Variants in DNAH8 observed in about 807,000 individuals in gnomAD.
The protein encoded by DNAH8 is axonemal beta dynein heavy chain 8.
A neutral mutation model predicts 562.1 loss-of-function variants in DNAH8; 382 were observed. The observed-to-expected ratio is 0.68, with a 90% CI of 0.63 to 0.74. The LOEUF is 0.74. DNAH8 is among the 30% of genes least tolerant of loss of function. The pLI is 0.00. For synonymous variants in DNAH8, 1,881 were observed against 1,919.4 expected (o/e 0.98, Z 0.52); for missense variants, 5,203 against 5,620.4 (o/e 0.93, Z 2.37).
rs143487714 is a variant in DNAH8, at chr6:39,030,164, G to A, written c.13896G>A (p.Gly4632=). The change falls in exon 93 of 93, where the codon GGG becomes GGA. Residue 4632 remains glycine (G), a synonymous_variant. Coordinates refer to ENST00000327475, the MANE Select transcript of DNAH8 (RefSeq NM_001206927.2). ...GAGCAGCCTGGGACAGACGGAATGG[G>A]AAGCTCATGGAATCCACCCCCAAGG... ...MDGAAWDRRN[G]KLMESTPKVL... 4.3e-5 allele frequency: 69 copies of A among 1,614,080 alleles called. No homozygotes were observed. The East Asian group carries it at 1.2e-3, about 28-fold the overall frequency.
At chr6:38,735,760 C>G (rs925100505) in intron 5 of DNAH8, among the ~76,000 whole-genome samples, 1 of 152,196 alleles carries the variant, frequency 6.6e-6, no homozygotes, top group East Asian at 1.9e-4. Context: ...TCTCCAGAAG[C>G]AACTATTAAA....
chr6:38,870,450 C>G lies in DNAH8; in HGVS notation c.6878C>G (p.Pro2293Arg). 2 of 1,613,984 alleles carry G rather than the reference C, an allele frequency of 1.2e-6. No homozygotes were observed. The highest frequency in any genetic ancestry group is 4.5e-5 in the East Asian group (2 of 44,862). ...CTCAGCTTAATCAATGACCTGTTCC[C>G]AGGACTGCAACTGGATAGTAATACT... ...LFLSLINDLF[P>R]GLQLDSNTYA... Residue 2293 changes from proline to arginine, a missense_variant, in exon 49 of 93, where the codon CCA becomes CGA. Pro to Arg is a moderately radical substitution (Grantham distance 103, BLOSUM62 -2). Transcript: ENST00000327475.
At chr6:38,895,959 G>T in intron 59 of DNAH8, 74 bp from the exon 60 acceptor site, 1 of 1,280,848 alleles carries the variant, frequency 7.8e-7, no homozygotes, top group South Asian at 1.4e-5. Context: ...GGGCTGAGAA[G>T]AGGCGAAGGG....
chr6:39,004,057 C>T (rs908413655), intron 88 of DNAH8, among the ~76,000 whole-genome samples: 2 of 151,894 alleles, frequency 1.3e-5, no homozygotes, highest in Non-Finnish European at 2.9e-5. Context: ...GAAATTTTAA[C>T]GTCAGTTCTT....
intron 82 of DNAH8, among the ~76,000 whole-genome samples, chr6:38,956,808 A>G (rs1583452513): frequency 6.6e-6 from 1 of 152,252 alleles, no homozygotes; most frequent in Admixed American, 6.5e-5. Flanking sequence ...GAATCAAAAC[A>G]TACTACTAGA....
rs1425720711 is a variant in DNAH8 at position 38,848,816 on chromosome 6, T to C, written c.5199+15T>C. ...AGCTGCCTCAGGTAAATATGGCTTTTGTAATTACTGATAAAATAATTTGGT... is the reference window on the plus strand; with the variant it reads ...AGCTGCCTCAGGTAAATATGGCTTTCGTAATTACTGATAAAATAATTTGGT... On this transcript the variant is annotated intron_variant, in intron 37 of 92. Transcript: ENST00000327475. The C allele has an allele frequency of 6.2e-7, 1 of 1,610,576 alleles. No individual in the cohort carries two copies. Among genetic ancestry groups the C allele is most frequent in the Admixed American group, 1.7e-5 (1 of 59,790 alleles).
chr6:38,784,533 C>CTT (rs1768955275), intron 17 of DNAH8, among the ~76,000 whole-genome samples: 1 of 152,180 alleles, frequency 6.6e-6, no homozygotes, highest in African/African-American at 2.4e-5. Flanking sequence ...TCTCAGGACA[C>CTT]TTACTGCTTT....
intron 26 of DNAH8, among the ~76,000 whole-genome samples, chr6:38,818,098 G>T (rs1289059158): frequency 6.6e-6 from 1 of 152,070 alleles, no homozygotes; most frequent in Non-Finnish European, 1.5e-5. Flanking sequence ...TGAGATTATG[G>T]TGTTTGGGAT....
At chr6:38,848,523 A>C (rs934308171) in intron 36 of DNAH8, 125 bp from the exon 37 acceptor site, 30 of 707,986 alleles carry the variant, frequency 4.2e-5, no homozygotes, top group Non-Finnish European at 7.0e-5. Flanking sequence ...ATCTATTAGG[A>C]ACTGCCCTTT....
chr6:38,984,492 ACAC>A (rs1349601146), intron 87 of DNAH8, 185 bp downstream of exon 87: 9 of 558,664 alleles, frequency 1.6e-5, no homozygotes, highest in Admixed American at 9.2e-5. Context: ...ACACACACAC[ACAC>A]AACAACCAGC....
At chr6:38,973,882 G>A in intron 84 of DNAH8, 69 bp downstream of exon 84, 2 of 1,338,870 alleles carry the variant, frequency 1.5e-6, no homozygotes, top group South Asian at 1.4e-5. Flanking sequence ...ATTGTTGAAA[G>A]ATGGGAACAC....
At chr6:38,961,544 A>G (rs1762603474) in intron 82 of DNAH8, among the ~76,000 whole-genome samples, 1 of 152,040 alleles carries the variant, frequency 6.6e-6, no homozygotes, top group African/African-American at 2.4e-5. Flanking sequence ...AATATAAGAA[A>G]GATGCAGGAT....
chr6:38,718,524 A>G (rs1762509600), intron 1 of DNAH8, among the ~76,000 whole-genome samples: 1 of 152,226 alleles, frequency 6.6e-6, no homozygotes, highest in African/African-American at 2.4e-5. Context: ...GATTTCCTTA[A>G]GGAAAATCTC....
At chr6:38,743,870 A>G (rs1222893796) in intron 8 of DNAH8, among the ~76,000 whole-genome samples, 2 of 152,044 alleles carry the variant, frequency 1.3e-5, no homozygotes, top group Admixed American at 6.6e-5. Flanking sequence ...ATATATTGTC[A>G]TTTGTCTTGG....
intron 24 of DNAH8, among the ~76,000 whole-genome samples, chr6:38,813,129 G>T (rs1771945127): frequency 6.6e-6 from 1 of 152,116 alleles, no homozygotes; most frequent in Non-Finnish European, 1.5e-5. Context: ...CTAGTGCACT[G>T]TTCACTGCCT....
At chr6:38,806,054 T>C (rs919099121) in intron 23 of DNAH8, among the ~76,000 whole-genome samples, 2 of 152,172 alleles carry the variant, frequency 1.3e-5, no homozygotes, top group Admixed American at 6.5e-5. Flanking sequence ...AAGCCCTAGA[T>C]AGGCAGATTT....
chr6:38,757,898 A>T (rs1766082726), intron 10 of DNAH8, among the ~76,000 whole-genome samples: 1 of 152,178 alleles, frequency 6.6e-6, no homozygotes, highest in Non-Finnish European at 1.5e-5. Flanking sequence ...TTTTGGTGCC[A>T]GTACATGCTG....
chr6:38,875,969 T>C (rs915840187), intron 53 of DNAH8, 141 bp downstream of exon 53: 18 of 634,850 alleles, frequency 2.8e-5, no homozygotes, highest in Non-Finnish European at 4.0e-5. Context: ...AGAGCATGTA[T>C]TTGAAAGAGA....
chr6:38,724,131 C>T (rs950014399), intron 3 of DNAH8, among the ~76,000 whole-genome samples: 19 of 151,978 alleles, frequency 1.3e-4, no homozygotes, highest in African/African-American at 4.4e-4. Context: ...GCACGCACCA[C>T]CACGCCCAGC....
Sources: gnomAD v4.1 joint callset for allele counts (sites outside exome capture counted in the v4.1 genomes callset) on GRCh38, gnomAD v4.1.1 for gene constraint, MANE v1.5 for transcripts, NCBI Gene and HGNC (gene_info 2026-07-23, HGNC 2026-07-21) for gene names.